SLC24A2: variants seen among roughly 807,000 people sequenced by gnomAD.
SLC24A2 encodes the protein sodium/potassium/calcium exchanger 2.
In SLC24A2, 36 loss-of-function variants were observed where a neutral mutation model predicts 62.0. The ratio of observed to expected loss-of-function variants is 0.58; its 90% CI spans 0.44 to 0.77. The LOEUF is 0.77. Among genes scored for constraint, SLC24A2 ranks in the 30% least tolerant of loss-of-function variants. The pLI, the probability that SLC24A2 is intolerant of heterozygous loss-of-function variation, is 0.00. For synonymous variants in SLC24A2, 358 were observed against 294.0 expected, an observed-to-expected ratio of 1.22 and a Z score of -2.23; for missense variants, 846 against 817.9, an observed-to-expected ratio of 1.03 and a Z score of -0.42.
the SLC24A2 span, among the ~76,000 whole-genome samples, chr9:19,797,653 G>A: frequency 6.6e-6 from 1 of 152,126 alleles, no homozygotes; most frequent in African/African-American, 2.4e-5. Flanking sequence ...TTTGTGTTTG[G>A]CTGCCAGCAG....
the SLC24A2 span, among the ~76,000 whole-genome samples, chr9:19,938,945 C>T: frequency 1.3e-5 from 2 of 152,050 alleles, no homozygotes; most frequent in Non-Finnish European, 2.9e-5. Context: ...AAACCCAAAA[C>T]TAAAAATATC....
At chr9:19,996,927 A>G in the SLC24A2 span, among the ~76,000 whole-genome samples, 1 of 152,086 alleles carries the variant, frequency 6.6e-6, no homozygotes, top group Non-Finnish European at 1.5e-5. Flanking sequence ...TTTGAATTTT[A>G]GAAAGCGCTC....
the SLC24A2 span, among the ~76,000 whole-genome samples, chr9:20,274,051 C>G: frequency 2.6e-5 from 4 of 152,322 alleles, no homozygotes; most frequent in East Asian, 5.8e-4. Flanking sequence ...TATGTCTCCA[C>G]TCATTCAATC....
chr9:20,217,925 C>G, the SLC24A2 span, among the ~76,000 whole-genome samples: 2 of 152,148 alleles, frequency 1.3e-5, no homozygotes, highest in Non-Finnish European at 2.9e-5. Flanking sequence ...TTCATTAAAC[C>G]AGTTATATGC....
the SLC24A2 span, among the ~76,000 whole-genome samples, chr9:19,962,485 C>T: frequency 1.2e-4 from 18 of 152,278 alleles, no homozygotes; most frequent in East Asian, 3.5e-3. Context: ...TTGATTCTTC[C>T]TACCCATGAG....
chr9:19,894,081 C>T, the SLC24A2 span, among the ~76,000 whole-genome samples: 185 of 152,190 alleles, frequency 1.2e-3, 4 homozygotes, highest in East Asian at 0.028. Context: ...TGGGTGGCTA[C>T]GTGTCCAGCT....
At chr9:19,868,449 G>T in the SLC24A2 span, among the ~76,000 whole-genome samples, 4 of 152,140 alleles carry the variant, frequency 2.6e-5, no homozygotes, top group Non-Finnish European at 5.9e-5. Context: ...GAAAGAATTT[G>T]CCTTCTGCAG....
At chr9:20,026,582 C>T in the SLC24A2 span, among the ~76,000 whole-genome samples, 1 of 152,070 alleles carries the variant, frequency 6.6e-6, no homozygotes, top group Admixed American at 6.6e-5. Context: ...GACAGGACAG[C>T]CTCTTCAATA....
At chr9:20,300,569 G>A in the SLC24A2 span, among the ~76,000 whole-genome samples, 1 of 152,118 alleles carries the variant, frequency 6.6e-6, no homozygotes, top group African/African-American at 2.4e-5. Flanking sequence ...CATCCAGAAT[G>A]TCTGTTTTTG....
At chr9:19,573,037 G>C (rs1835883939) in intron 7 of SLC24A2, among the ~76,000 whole-genome samples, 1 of 152,198 alleles carries the variant, frequency 6.6e-6, no homozygotes, top group Non-Finnish European at 1.5e-5. Context: ...CAGTGATCCT[G>C]TTTCACCACA....
chr9:20,287,494 A>G, the SLC24A2 span, among the ~76,000 whole-genome samples: 2 of 152,218 alleles, frequency 1.3e-5, no homozygotes, highest in Admixed American at 6.5e-5. Context: ...TGATAACCAC[A>G]GAACAAAAGG....
At chr9:19,897,790 A>G in the SLC24A2 span, among the ~76,000 whole-genome samples, 1 of 152,192 alleles carries the variant, frequency 6.6e-6, no homozygotes, top group Non-Finnish European at 1.5e-5. Flanking sequence ...TCCTACAGCT[A>G]CAAGGGACAA....
the SLC24A2 span, among the ~76,000 whole-genome samples, chr9:20,252,784 T>G: frequency 2.0e-5 from 3 of 152,208 alleles, no homozygotes; most frequent in Non-Finnish European, 2.9e-5. Context: ...TCAGCAAGCA[T>G]GTCTCCAAAA....
the SLC24A2 span, among the ~76,000 whole-genome samples, chr9:19,919,914 T>C: frequency 6.6e-6 from 1 of 152,076 alleles, no homozygotes; most frequent in Non-Finnish European, 1.5e-5. Context: ...GGAACTACAA[T>C]TCAAGATGAG....
At chr9:19,875,380 A>T in the SLC24A2 span, among the ~76,000 whole-genome samples, 3 of 152,236 alleles carry the variant, frequency 2.0e-5, no homozygotes, top group Non-Finnish European at 2.9e-5. Context: ...TTTTAAGTAG[A>T]TAATGACAAA....
chr9:19,847,070 GTAAAA>G, the SLC24A2 span, among the ~76,000 whole-genome samples: 1 of 152,022 alleles, frequency 6.6e-6, no homozygotes, highest in Non-Finnish European at 1.5e-5. Flanking sequence ...TAATTTTTAG[GTAAAA>G]ACAGCTTCTC....
chr9:19,994,074 G>A, the SLC24A2 span, among the ~76,000 whole-genome samples: 3 of 152,176 alleles, frequency 2.0e-5, no homozygotes, highest in African/African-American at 4.8e-5. Flanking sequence ...TGGCAGAGCT[G>A]GGATTAGAAT....
intron 2 of SLC24A2, among the ~76,000 whole-genome samples, chr9:19,709,151 A>G (rs993572474): frequency 6.6e-6 from 1 of 152,170 alleles, no homozygotes; most frequent in Non-Finnish European, 1.5e-5. Context: ...AACACATGAA[A>G]AAATGCTCAT....
the SLC24A2 span, among the ~76,000 whole-genome samples, chr9:20,057,841 G>A: frequency 6.6e-6 from 1 of 152,136 alleles, no homozygotes; most frequent in Non-Finnish European, 1.5e-5. Context: ...GAGGCTCATA[G>A]AGAATATTTG....
Sources: gnomAD v4.1 joint callset for allele counts (sites outside exome capture counted in the v4.1 genomes callset) on GRCh38, gnomAD v4.1.1 for gene constraint, MANE v1.5 for transcripts, NCBI Gene and HGNC (gene_info 2026-07-23, HGNC 2026-07-21) for gene names.